Variants in ADORA2B observed in about 807,000 individuals in gnomAD.
The protein encoded by ADORA2B is adenosine receptor A2b.
Under a neutral mutation model 20.8 loss-of-function variants are expected in ADORA2B, and 18 were observed. That is an observed-to-expected ratio of 0.87 (90% CI 0.60 to 1.29). ADORA2B has a LOEUF of 1.29. ADORA2B is among the 50% of genes most tolerant of loss of function. The pLI is 0.00. For missense variants in ADORA2B, 441 were observed against 422.7 expected (o/e 1.04, Z -0.38); for synonymous variants, 179 against 178.3 (o/e 1.00, Z -0.03).
At position 15,975,140 on chromosome 17, in the gene ADORA2B, A is replaced by C; in HGVS notation, c.797A>C (p.Asn266Thr). ...VTLFQPAQGK[N>T]KPKWAMNMAI... ...CTTTTCCAGCCAGCTCAGGGTAAAA[A>C]TAAGCCCAAGTGGGCAATGAATATG... Residue 266 changes from asparagine to threonine, a missense_variant, in exon 2 of 2, where the codon AAT (asparagine) becomes ACT (threonine). Asn to Thr is a moderately conservative substitution (Grantham distance 65). Coordinates refer to ENST00000304222, the MANE Select transcript of ADORA2B (RefSeq NM_000676.4). The C allele has an allele frequency of 6.2e-7, 1 of 1,614,212 alleles. No homozygotes were observed. Among genetic ancestry groups the C allele is most frequent in the Non-Finnish European group, 8.5e-7 (1 of 1,180,042 alleles).
At chr17:15,884,362 T>G in the ADORA2B span, among the ~76,000 whole-genome samples, 1 of 151,808 alleles carries the variant, frequency 6.6e-6, no homozygotes, top group Admixed American at 6.6e-5. Flanking sequence ...CTAATGTGAC[T>G]AAGAAATTGA....
chr17:15,952,923 G>A (rs1009387482), intron 1 of ADORA2B, among the ~76,000 whole-genome samples: 5 of 152,240 alleles, frequency 3.3e-5, no homozygotes, highest in Admixed American at 6.5e-5. Context: ...TGGAGACAGC[G>A]CCACGGGCAG....
At chr17:15,965,559 G>A in intron 1 of ADORA2B, among the ~76,000 whole-genome samples, 1 of 152,246 alleles carries the variant, frequency 6.6e-6, no homozygotes, top group East Asian at 1.9e-4. Flanking sequence ...GGTGGCCAGG[G>A]GAAGGATGTT....
chr17:15,936,011 A>G, the ADORA2B span, among the ~76,000 whole-genome samples: 1 of 150,584 alleles, frequency 6.6e-6, no homozygotes, highest in Non-Finnish European at 1.5e-5. Context: ...GAATTACAGG[A>G]GCGTGCCACC....
chr17:15,868,344 C>T, the ADORA2B span, among the ~76,000 whole-genome samples: 10 of 134,530 alleles, frequency 7.4e-5, 3 homozygotes, highest in South Asian at 4.7e-4. Context: ...TCCCCCTCTG[C>T]GAGAAACACC....
chr17:15,945,654 G>A (rs1345130245), intron 1 of ADORA2B, 71 bp downstream of exon 1: 10 of 1,379,704 alleles, frequency 7.2e-6, no homozygotes, highest in Non-Finnish European at 5.7e-6. Context: ...TCTCCAGGCC[G>A]GGGTTCCTCC....
chr17:15,962,825 T>C (rs867863553), intron 1 of ADORA2B, among the ~76,000 whole-genome samples: 2 of 152,228 alleles, frequency 1.3e-5, no homozygotes, highest in South Asian at 4.1e-4. Context: ...GCCCCTGTTA[T>C]TTATTTTGAT....
the ADORA2B span, among the ~76,000 whole-genome samples, chr17:15,899,270 A>G: frequency 6.6e-6 from 1 of 151,912 alleles, no homozygotes; most frequent in African/African-American, 2.4e-5. Flanking sequence ...TATACATGAC[A>G]CTTTTAAACT....
chr17:15,851,493 A>C, the ADORA2B span, among the ~76,000 whole-genome samples: 61 of 152,134 alleles, frequency 4.0e-4, no homozygotes, highest in African/African-American at 1.4e-3. Flanking sequence ...ACTGCCCAGA[A>C]GATGATGGAA....
chr17:15,888,840 ATATATATATATTTTTTTTT>A, the ADORA2B span, among the ~76,000 whole-genome samples: 1 of 17,068 alleles, frequency 5.9e-5, no homozygotes, highest in Non-Finnish European at 9.6e-5. Flanking sequence ...ATATATATAT[ATATATATATATTTTTTTTT>A]TTTTTTTTTT....
the ADORA2B span, among the ~76,000 whole-genome samples, chr17:15,877,003 T>C: frequency 8.2e-3 from 1,249 of 152,324 alleles, 10 homozygotes; most frequent in Non-Finnish European, 0.014. Context: ...AATCATATAG[T>C]ATTTGTCCTT....
chr17:15,892,557 T>C, the ADORA2B span, among the ~76,000 whole-genome samples: 1 of 152,238 alleles, frequency 6.6e-6, no homozygotes, highest in Non-Finnish European at 1.5e-5. Flanking sequence ...GCTGGGATTA[T>C]AGGCATGAGC....
the ADORA2B span, among the ~76,000 whole-genome samples, chr17:15,897,645 C>T: frequency 6.6e-6 from 1 of 152,106 alleles, no homozygotes; most frequent in South Asian, 2.1e-4. Context: ...TTATCAAAGG[C>T]TACAATAGAC....
chr17:15,874,504 A>G, the ADORA2B span, among the ~76,000 whole-genome samples: 1 of 151,860 alleles, frequency 6.6e-6, no homozygotes, highest in African/African-American at 2.4e-5. Flanking sequence ...CCTGGGCAAC[A>G]TCATGAGACC....
chr17:15,879,948 A>G, the ADORA2B span, among the ~76,000 whole-genome samples: 1 of 148,300 alleles, frequency 6.7e-6, no homozygotes, highest in Non-Finnish European at 1.5e-5. Context: ...CTTCTCATTT[A>G]AAAGTTCCAG....
chr17:15,888,931 C>T, the ADORA2B span, among the ~76,000 whole-genome samples: 1 of 89,690 alleles, frequency 1.1e-5, no homozygotes, highest in Non-Finnish European at 2.0e-5. Flanking sequence ...GGCGCTATCT[C>T]GGCTCACTGC....
the ADORA2B span, among the ~76,000 whole-genome samples, chr17:15,869,750 ACT>A: frequency 3.9e-5 from 6 of 152,224 alleles, no homozygotes; most frequent in Admixed American, 3.9e-4. Context: ...CTAAACTGTT[ACT>A]TTTTGAATTA....
At chr17:15,968,297 A>T (rs962986741) in intron 1 of ADORA2B, among the ~76,000 whole-genome samples, 1 of 152,194 alleles carries the variant, frequency 6.6e-6, no homozygotes, top group Non-Finnish European at 1.5e-5. Flanking sequence ...TGAAACCCAC[A>T]TATACGGAGG....
chr17:15,920,545 A>AC, the ADORA2B span, among the ~76,000 whole-genome samples: 4 of 151,788 alleles, frequency 2.6e-5, no homozygotes, highest in Non-Finnish European at 4.4e-5. Flanking sequence ...ACATGGTGAA[A>AC]CCCCGTCTCT....
Sources: allele counts gnomAD v4.1 joint callset (sites outside exome capture counted in the v4.1 genomes callset), GRCh38; gene constraint gnomAD v4.1.1; transcripts MANE v1.5; gene names NCBI Gene and HGNC (gene_info 2026-07-23, HGNC 2026-07-21).